Variants in DPP10 observed in about 807,000 individuals in gnomAD.
The protein encoded by DPP10 is inactive dipeptidyl peptidase 10.
Under a neutral mutation model 120.9 loss-of-function variants are expected in DPP10, and 33 were observed. The observed-to-expected ratio is 0.27, with a 90% CI of 0.21 to 0.37. DPP10 has a LOEUF of 0.37. Ranked by LOEUF, DPP10 falls within the 10% of genes least tolerant of loss-of-function variation. DPP10 has a pLI of 1.00. For synonymous variants in DPP10, 337 were observed against 326.1 expected, an observed-to-expected ratio of 1.03 and a Z score of -0.36; for missense variants, 816 against 942.8, an observed-to-expected ratio of 0.87 and a Z score of 1.76.
chr2:115,452,697 A>G (rs932316196), intron 3 of DPP10, among the ~76,000 whole-genome samples: 2 of 151,808 alleles, frequency 1.3e-5, no homozygotes, highest in Non-Finnish European at 2.9e-5. Flanking sequence ...GTCATATGGG[A>G]GTGGCCCCTG....
At chr2:114,785,012 T>G (rs113386499) in intron 1 of DPP10, among the ~76,000 whole-genome samples, 6 of 152,346 alleles carry the variant, frequency 3.9e-5, no homozygotes, top group African/African-American at 1.4e-4. Context: ...CCATTTATTT[T>G]GCCTTGCATC....
At chr2:114,807,481 A>G (rs1684830658) in intron 1 of DPP10, among the ~76,000 whole-genome samples, 1 of 152,208 alleles carries the variant, frequency 6.6e-6, no homozygotes, top group South Asian at 2.1e-4. Context: ...CTGCTGTGCT[A>G]TTGAATACTA....
At chr2:114,725,259 A>G (rs963435112) in intron 1 of DPP10, among the ~76,000 whole-genome samples, 1 of 151,866 alleles carries the variant, frequency 6.6e-6, no homozygotes, top group African/African-American at 2.4e-5. Context: ...GTCATTTCGA[A>G]CTCCTCTCTA....
At chr2:115,628,785 A>G (rs191523345) in intron 5 of DPP10, among the ~76,000 whole-genome samples, 200 of 151,196 alleles carry the variant, frequency 1.3e-3, no homozygotes, top group Non-Finnish European at 2.4e-3. Flanking sequence ...TTATTTATTT[A>G]GTTTTTGTTT....
intron 2 of DPP10, among the ~76,000 whole-genome samples, chr2:115,331,827 G>C (rs1203805241): frequency 2.0e-5 from 3 of 152,164 alleles, no homozygotes; most frequent in African/African-American, 7.2e-5. Context: ...CGGTTTGCCA[G>C]TATTTTATTG....
intron 1 of DPP10, among the ~76,000 whole-genome samples, chr2:114,581,545 G>A (rs537591562): frequency 6.6e-6 from 1 of 152,248 alleles, no homozygotes; most frequent in East Asian, 1.9e-4. Flanking sequence ...AGATTCAATG[G>A]ACTTTTCTAA....
chr2:115,047,424 A>G (rs779508573), intron 1 of DPP10, among the ~76,000 whole-genome samples: 41 of 152,146 alleles, frequency 2.7e-4, no homozygotes, highest in Admixed American at 3.9e-4. Flanking sequence ...CAGTGTATTC[A>G]ATCTAATTTT....
chr2:115,744,825 C>T (rs760492633), intron 9 of DPP10, among the ~76,000 whole-genome samples: 8 of 150,200 alleles, frequency 5.3e-5, no homozygotes, highest in Non-Finnish European at 1.2e-4. Context: ...AGTTTTATTC[C>T]CTTTAGGTTG....
chr2:114,927,271 A>G (rs1013543831), intron 1 of DPP10, among the ~76,000 whole-genome samples: 1 of 151,910 alleles, frequency 6.6e-6, no homozygotes, highest in Non-Finnish European at 1.5e-5. Context: ...AAGACTAGGT[A>G]TTGTGAACCC....
intron 1 of DPP10, among the ~76,000 whole-genome samples, chr2:114,744,304 C>A (rs1185873413): frequency 6.6e-6 from 1 of 152,090 alleles, no homozygotes; most frequent in African/African-American, 2.4e-5. Flanking sequence ...AAGGCACACA[C>A]AAAATCAGTT....
intron 3 of DPP10, among the ~76,000 whole-genome samples, chr2:115,382,043 G>GAGGC (rs2066420059): frequency 2.0e-5 from 3 of 152,212 alleles, no homozygotes; most frequent in South Asian, 2.1e-4. Flanking sequence ...GGAGCCTACA[G>GAGGC]AGGCAGGCAG....
chr2:115,308,324 TG>T, intron 1 of DPP10, among the ~76,000 whole-genome samples: 1 of 152,166 alleles, frequency 6.6e-6, no homozygotes, highest in South Asian at 2.1e-4. Context: ...TCACCAAATC[TG>T]TTAGCTATTT....
chr2:115,025,093 G>A (rs11891481), intron 1 of DPP10, among the ~76,000 whole-genome samples: 2,588 of 151,776 alleles, frequency 0.017, 72 homozygotes, highest in African/African-American at 0.06. Context: ...GTGAACTATC[G>A]AACATTAGGT....
At chr2:115,578,223 A>G (rs2081799763) in intron 5 of DPP10, among the ~76,000 whole-genome samples, 1 of 152,156 alleles carries the variant, frequency 6.6e-6, no homozygotes, top group South Asian at 2.1e-4. Context: ...CTCTCTTCAC[A>G]GTATAATCTC....
At chr2:115,162,007 C>A in intron 1 of DPP10, 1 of 1,384,680 alleles carries the variant, frequency 7.2e-7, no homozygotes, top group Non-Finnish European at 9.3e-7. Context: ...CCAGGGCGAG[C>A]CAGGCGCAGC....
At chr2:114,952,568 C>A (rs66764634) in intron 1 of DPP10, among the ~76,000 whole-genome samples, 1 of 150,684 alleles carries the variant, frequency 6.6e-6, no homozygotes, top group Admixed American at 6.7e-5. Context: ...TATGAAACTT[C>A]GATCTCTAAA....
chr2:115,766,231 A>G (rs1680692288), intron 12 of DPP10, among the ~76,000 whole-genome samples: 1 of 150,188 alleles, frequency 6.7e-6, no homozygotes, highest in Admixed American at 6.7e-5. Context: ...CGCAACTCAT[A>G]ATTGATGAAT....
intron 1 of DPP10, among the ~76,000 whole-genome samples, chr2:114,514,027 C>T (rs1357786885): frequency 6.6e-6 from 1 of 152,212 alleles, no homozygotes; most frequent in Admixed American, 6.5e-5. Context: ...TTATCCAAGG[C>T]ATCTTTCCTC....
At chr2:115,119,439 T>G (rs975486040) in intron 1 of DPP10, among the ~76,000 whole-genome samples, 1 of 152,198 alleles carries the variant, frequency 6.6e-6, no homozygotes, top group African/African-American at 2.4e-5. Flanking sequence ...CATCACCTGA[T>G]GGTCACCTGA....
Sources: allele counts gnomAD v4.1 joint callset (sites outside exome capture counted in the v4.1 genomes callset), GRCh38; gene constraint gnomAD v4.1.1; transcripts MANE v1.5; gene names NCBI Gene and HGNC (gene_info 2026-07-23, HGNC 2026-07-21).